The following ZNF441 variants were observed in gnomAD, a reference collection of about 807,000 sequenced individuals.
The protein encoded by ZNF441 is zinc finger protein 441.
Under a neutral mutation model 64.5 loss-of-function variants are expected in ZNF441, and 25 were observed. That is an observed-to-expected ratio of 0.39 (90% CI 0.28 to 0.54). The LOEUF is 0.54. Ranked by LOEUF, ZNF441 falls within the 20% of genes least tolerant of loss-of-function variation. The pLI is 0.70. For missense variants in ZNF441, 715 were observed against 843.3 expected, an observed-to-expected ratio of 0.85 and a Z score of 1.88; for synonymous variants, 262 against 268.0, an observed-to-expected ratio of 0.98 and a Z score of 0.22.
chr19:11,781,835 T>C lies in ZNF441; in HGVS notation c.2011T>C (p.Tyr671His), dbSNP rs769378971. The change falls in exon 4 of 4, where the codon TAT becomes CAT. Residue 671 changes from tyrosine (Y) to histidine (H), a missense_variant. Physicochemically the swap from Tyr to His is moderately conservative, Grantham distance 83. This residue lies in a region of ZNF441 where 316 missense variants were observed against 429.3 expected (regional missense o/e 0.74). Transcript: ENST00000357901. The part of the protein sequence containing the change: ...HERTHSMEKP[Y>H]KCKECGEAFH... ...AAGGACCCACAGTATGGAGAAACCC[T>C]ATAAGTGTAAAGAATGTGGGGAAGC... The C allele has an allele frequency of 6.2e-7, 1 of 1,612,944 alleles. No individual in the cohort carries two copies. The highest frequency in any genetic ancestry group is 8.5e-7 in the Non-Finnish European group (1 of 1,179,448).
rs1975388662 is a variant in ZNF441, at chr19:11,780,220, G to A, written c.396G>A (p.Glu132=). 3 of 1,614,178 alleles carry A rather than the reference G, an allele frequency of 1.9e-6. No individual in the cohort carries two copies. The highest frequency in any genetic ancestry group is 2.2e-5 in the South Asian group (2 of 91,084). Reference sequence around the variant, plus strand: ...TTGACAGTGAACACAAACCATGTGAGTATCAAGAATATGGAGAGAAGCCAT... The same window carrying A: ...TTGACAGTGAACACAAACCATGTGAATATCAAGAATATGGAGAGAAGCCAT... ...VRVDSEHKPC[E]YQEYGEKPYT... is the part of the protein sequence containing the mutation. Residue 132 remains glutamate, a synonymous_variant, in exon 4 of 4, where the codon GAG becomes GAA. Transcript: ENST00000357901.
chr19:11,781,429 A>G lies in ZNF441; in HGVS notation c.1605A>G (p.Leu535=), dbSNP rs963305194. 2.5e-6 allele frequency: 4 copies of G among 1,614,008 alleles called. No homozygotes were observed. The highest frequency in any genetic ancestry group is 2.2e-5 in the South Asian group (2 of 91,084). ...HTGERPYKCK[L]CGKGFRSSSY... is the part of the protein sequence containing the mutation. ...GGGAGAGACCCTATAAGTGTAAACT[A>G]TGTGGGAAAGGCTTCAGGTCTTCCA... The change falls in exon 4 of 4, where the codon CTA becomes CTG. Residue 535 remains leucine, a synonymous_variant. Transcript: ENST00000357901.
Position 11,781,972 on chromosome 19 carries a change from A to G in ZNF441, c.*66A>G. 2.3e-6 allele frequency: 3 copies of G among 1,317,336 alleles called. No individual in the cohort carries two copies. The highest frequency in any genetic ancestry group is 1.7e-5 in the South Asian group (1 of 57,778). The allele number at this position is 1,317,336 out of a possible 1,614,324, so 81.6% of individuals were successfully genotyped here. A position where few individuals can be genotyped will look rare whatever the true frequency, so the allele number is the denominator to read the frequency against. ...AGTACTTTCAGCTTCTTACAAATACATAAGAGACTCACACTGAAAAAAGTT... is the reference window on the plus strand; with the variant it reads ...AGTACTTTCAGCTTCTTACAAATACGTAAGAGACTCACACTGAAAAAAGTT... On this transcript the variant is annotated 3_prime_UTR_variant, in exon 4 of 4. Coordinates refer to ENST00000357901, the MANE Select transcript of ZNF441 (RefSeq NM_152355.3).
At chr19:11,777,551 T>C in intron 1 of ZNF441, 60 bp from the exon 2 acceptor site, 1 of 1,563,772 alleles carries the variant, frequency 6.4e-7, no homozygotes, top group Non-Finnish European at 8.7e-7. Context: ...ATGAAGTGAA[T>C]TTACATTCCC....
chr19:11,777,433 T>C (rs1350663648), intron 1 of ZNF441, among the ~76,000 whole-genome samples, 178 bp from the exon 2 acceptor site: 1 of 152,210 alleles, frequency 6.6e-6, no homozygotes, highest in African/African-American at 2.4e-5. Flanking sequence ...ACATGTTCAT[T>C]TCTAGGATCA....
chr19:11,780,022 T>C lies in ZNF441; in HGVS notation c.198T>C (p.Cys66=), dbSNP rs763797433. The C allele has an allele frequency of 2.5e-6, 4 of 1,601,932 alleles. No individual in the cohort carries two copies. The highest frequency in any genetic ancestry group is 3.4e-6 in the Non-Finnish European group (4 of 1,171,988). The change falls in exon 4 of 4, where the codon TGT becomes TGC. Residue 66 remains cysteine, a synonymous_variant. Coordinates refer to ENST00000357901, the MANE Select transcript of ZNF441 (RefSeq NM_152355.3). ...QYKDLRRNLR[C]HMVERACEIK... ...ATGTACTTCTTATTTTTTACAGATG[T>C]CATATGGTAGAGAGAGCCTGTGAAA...
At chr19:11,773,988 G>GT (rs1568480256) in intron 1 of ZNF441, among the ~76,000 whole-genome samples, 1 of 151,954 alleles carries the variant, frequency 6.6e-6, no homozygotes, top group Non-Finnish European at 1.5e-5. Context: ...TACATTATCT[G>GT]TTTTTTTCCA....
intron 2 of ZNF441, chr19:11,777,984 A>G (rs945574456): frequency 4.9e-6 from 2 of 406,206 alleles, no homozygotes; most frequent in Non-Finnish European, 8.7e-6. Flanking sequence ...CATGCTATAT[A>G]TTCTCACAGG....
At chr19:11,779,258 G>T (rs115637520) in intron 3 of ZNF441, among the ~76,000 whole-genome samples, 3 of 148,386 alleles carry the variant, frequency 2.0e-5, no homozygotes, top group African/African-American at 5.0e-5. Flanking sequence ...GGTCAAAGCC[G>T]CAGTAAGCCC....
At position 11,782,608 on chromosome 19, in the gene ZNF441, C is replaced by G. The variant is rs536052348; in HGVS notation, c.*702C>G. On this transcript the variant is annotated 3_prime_UTR_variant, in exon 4 of 4. Coordinates refer to ENST00000357901, the MANE Select transcript of ZNF441 (RefSeq NM_152355.3). Reference sequence around the variant, plus strand: ...TACATGTCAGCAACAATGTCAGGATCTGTGGAGTTTGCGAGTATAAGATCT... The same window carrying G: ...TACATGTCAGCAACAATGTCAGGATGTGTGGAGTTTGCGAGTATAAGATCT... 10 of 152,318 alleles carry G rather than the reference C, an allele frequency of 6.6e-5. No homozygotes were observed. Among genetic ancestry groups the G allele is most frequent in the African/African-American group, 2.2e-4 (9 of 41,584 alleles). 9.4% of individuals were successfully genotyped at this position (152,318 alleles called of 1,614,324 possible). A position where few individuals can be genotyped will look rare whatever the true frequency, so the allele number is the denominator to read the frequency against.
chr19:11,772,691 G>A (rs1278070721), intron 1 of ZNF441, among the ~76,000 whole-genome samples: 2 of 152,180 alleles, frequency 1.3e-5, no homozygotes, highest in Non-Finnish European at 2.9e-5. Context: ...GGGCAACATG[G>A]TGAAACCCCA....
chr19:11,777,605 T>G lies in ZNF441; in HGVS notation c.4-6T>G. 6.2e-7 allele frequency: 1 copy of G among 1,611,054 alleles called. No homozygotes were observed. The highest frequency in any genetic ancestry group is 8.5e-7 in the Non-Finnish European group (1 of 1,178,640). On this transcript the variant is annotated splice_polypyrimidine_tract_variant and splice_region_variant and intron_variant, in intron 1 of 3. Transcript: ENST00000357901. ...ATTCCTCCTCTGCACATGTGAAATA[T>G]TTCAGGACTCAGTGGCATTTGAGGA...
chr19:11,775,262 G>A (rs1975344802), intron 1 of ZNF441, among the ~76,000 whole-genome samples: 1 of 152,188 alleles, frequency 6.6e-6, no homozygotes, highest in Admixed American at 6.6e-5. Context: ...TTGTGAAAAT[G>A]TGTTTTTTCC....
chr19:11,779,995 T>A, intron 3 of ZNF441, 24 bp from the exon 4 acceptor site: 4 of 1,525,046 alleles, frequency 2.6e-6, no homozygotes, highest in Non-Finnish European at 3.6e-6. Flanking sequence ...AAACCTTTAC[T>A]AATGTACTTC....
chr19:11,768,896 A>T (rs1419729664), intron 1 of ZNF441, among the ~76,000 whole-genome samples: 1 of 152,204 alleles, frequency 6.6e-6, no homozygotes, highest in Non-Finnish European at 1.5e-5. Context: ...AACTATCCCT[A>T]AGGACAGGAA....
chr19:11,767,248 A>G lies in ZNF441; in HGVS notation c.3+52A>G, dbSNP rs1260944155. The G allele has an allele frequency of 3.2e-6, 5 of 1,552,088 alleles. No homozygotes were observed. In the East Asian group the frequency reaches 1.2e-4, roughly 38 times the overall value. On this transcript the variant is annotated intron_variant, in intron 1 of 3. Coordinates refer to ENST00000357901, the MANE Select transcript of ZNF441 (RefSeq NM_152355.3). This position sits in a 1 kb window ranked among gnomAD's most constrained non-coding sequence, Gnocchi z 5.1. ...ACGCGTGAGAGGAGAGACTGGTTGGAACCGGCCGGAACCGGCTGTGGTGGC... is the reference window on the plus strand; with the variant it reads ...ACGCGTGAGAGGAGAGACTGGTTGGGACCGGCCGGAACCGGCTGTGGTGGC...
In ZNF441 at chr19:11,781,051, T is replaced by C. The variant is rs1447571208; in HGVS notation, c.1227T>C (p.His409=). 1.9e-6 allele frequency: 3 copies of C among 1,613,982 alleles called. No individual in the cohort carries two copies. The African/African-American group carries it at 4.0e-5, about 22-fold the overall frequency. Residue 409 remains histidine, a synonymous_variant, in exon 4 of 4, where the codon CAT becomes CAC. Transcript: ENST00000357901. ...AFSDFYYFRN[H]ETTHTGEKPY... ...GTGATTTCTATTACTTTCGAAATCA[T>C]GAAACTACTCACACTGGAGAGAAGC...
Position 11,767,279 on chromosome 19 carries a change from G to C in ZNF441, c.3+83G>C. ...CCGGAACCGGCTGTGGTGGCACCAGGTCTTCCCCGCCGGCGACACCCTGGC... is the reference window on the plus strand; with the variant it reads ...CCGGAACCGGCTGTGGTGGCACCAGCTCTTCCCCGCCGGCGACACCCTGGC... On this transcript the variant is annotated intron_variant, in intron 1 of 3. Coordinates refer to ENST00000357901, the MANE Select transcript of ZNF441 (RefSeq NM_152355.3). This position sits in a 1 kb window ranked among gnomAD's most constrained non-coding sequence, Gnocchi z 5.1. 6.5e-7 allele frequency: 1 copy of C among 1,544,492 alleles called. No homozygotes were observed. Among genetic ancestry groups the C allele is most frequent in the Non-Finnish European group, 8.8e-7 (1 of 1,141,214 alleles).
rs894957441 is a variant in ZNF441 at position 11,782,670 on chromosome 19, G to C, written c.*764G>C. ...AGGTTTCATCTCCATAATTGCAGCT[G>C]CTTTAGCTACAAATATTATAGGAAG... On this transcript the variant is annotated 3_prime_UTR_variant, in exon 4 of 4. Coordinates refer to ENST00000357901, the MANE Select transcript of ZNF441 (RefSeq NM_152355.3). 2 of 152,166 alleles carry C rather than the reference G, an allele frequency of 1.3e-5. No individual in the cohort carries two copies. The highest frequency in any genetic ancestry group is 4.8e-5 in the African/African-American group (2 of 41,438). 9.4% of individuals were successfully genotyped at this position (152,166 alleles called of 1,614,324 possible). A position where few individuals can be genotyped will look rare whatever the true frequency, so the allele number is the denominator to read the frequency against.
Sources: allele counts gnomAD v4.1 joint callset (sites outside exome capture counted in the v4.1 genomes callset), GRCh38; gene constraint gnomAD v4.1.1; regional missense constraint gnomAD v4.1.1; non-coding constraint Gnocchi (gnomAD v3.1); transcripts MANE v1.5; gene names NCBI Gene and HGNC (gene_info 2026-07-23, HGNC 2026-07-21).